The following TTC28 variants were observed in gnomAD, a reference collection of about 807,000 sequenced individuals.
TTC28 encodes tetratricopeptide repeat protein 28.
In TTC28, 61 loss-of-function variants were observed where a neutral mutation model predicts 198.0. The ratio of observed to expected loss-of-function variants is 0.31; its 90% CI spans 0.25 to 0.38. TTC28 has a LOEUF of 0.38. Ranked by LOEUF, TTC28 falls within the 10% of genes least tolerant of loss-of-function variation. TTC28 has a pLI of 1.00. For synonymous variants in TTC28, 1,171 were observed against 1,297.8 expected, an observed-to-expected ratio of 0.90 and a Z score of 2.10; for missense variants, 2,678 against 3,164.0, an observed-to-expected ratio of 0.85 and a Z score of 3.69.
intron 8 of TTC28, among the ~76,000 whole-genome samples, chr22:28,103,140 G>C (rs1292541117): frequency 6.6e-6 from 1 of 152,190 alleles, no homozygotes; most frequent in African/African-American, 2.4e-5. Context: ...AAAGCCCCCT[G>C]GATAGACATG....
At chr22:28,260,145 A>G (rs1194201661) in intron 5 of TTC28, among the ~76,000 whole-genome samples, 1 of 152,204 alleles carries the variant, frequency 6.6e-6, no homozygotes, top group African/African-American at 2.4e-5. Context: ...GTTCAGGGCA[A>G]TCACATGTCC....
intron 2 of TTC28, among the ~76,000 whole-genome samples, chr22:28,317,295 C>G (rs764417909): frequency 2.0e-5 from 3 of 152,014 alleles, no homozygotes; most frequent in Non-Finnish European, 2.9e-5. Context: ...TTGAGATTTC[C>G]TTGGTCTTTC....
chr22:28,613,606 C>G (rs1157749036), intron 2 of TTC28, among the ~76,000 whole-genome samples: 1 of 152,188 alleles, frequency 6.6e-6, no homozygotes, highest in East Asian at 1.9e-4. Context: ...CCACCATGAT[C>G]AAGTGGGCTT....
At chr22:28,287,653 T>C (rs995297741) in intron 5 of TTC28, among the ~76,000 whole-genome samples, 1 of 152,060 alleles carries the variant, frequency 6.6e-6, no homozygotes, top group Non-Finnish European at 1.5e-5. Flanking sequence ...GATTAAAAGG[T>C]GTACAATATA....
In TTC28 at chr22:27,993,438, C is replaced by T; in HGVS notation, c.5325G>A (p.Val1775=). Reference sequence around the variant, plus strand: ...GGGCCTGCCAGCCAGGGATGCCGCCCACTTTGTTCTCCACACTCTGCTGGG... The same window carrying T: ...GGGCCTGCCAGCCAGGGATGCCGCCTACTTTGTTCTCCACACTCTGCTGGG... ...YTSQQSVENK[V]GGIPGWQALL... The change falls in exon 18 of 23, where the codon GTG becomes GTA. Residue 1775 remains valine (V), a synonymous_variant. Transcript: ENST00000397906. 6.4e-7 allele frequency: 1 copy of T among 1,551,618 alleles called. No individual in the cohort carries two copies. The highest frequency in any genetic ancestry group is 8.7e-7 in the Non-Finnish European group (1 of 1,146,994).
chr22:28,618,646 C>A (rs1393879828), intron 2 of TTC28, among the ~76,000 whole-genome samples: 1 of 137,122 alleles, frequency 7.3e-6, no homozygotes, highest in Non-Finnish European at 1.5e-5. Flanking sequence ...CGTGCCACTG[C>A]ATTCCAGCCT....
intron 2 of TTC28, among the ~76,000 whole-genome samples, chr22:28,406,599 T>C (rs1387175144): frequency 6.6e-6 from 1 of 152,212 alleles, no homozygotes; most frequent in Non-Finnish European, 1.5e-5. Flanking sequence ...TCTGTTACAT[T>C]AAAAGTTTGA....
intron 2 of TTC28, among the ~76,000 whole-genome samples, chr22:28,437,090 A>AT (rs695341): frequency 0.011 from 1,713 of 150,004 alleles, 34 homozygotes; most frequent in East Asian, 0.085. Flanking sequence ...TATTCTTTTA[A>AT]TTTTTTTTTT....
At chr22:28,360,833 C>T (rs917725466) in intron 2 of TTC28, among the ~76,000 whole-genome samples, 1 of 152,180 alleles carries the variant, frequency 6.6e-6, no homozygotes, top group Non-Finnish European at 1.5e-5. Flanking sequence ...ACAGTGCTCA[C>T]CTAGTGTCTC....
chr22:28,030,135 C>A, intron 13 of TTC28, 91 bp downstream of exon 13: 1 of 1,487,250 alleles, frequency 6.7e-7, no homozygotes, highest in Non-Finnish European at 9.0e-7. Context: ...AGAAGCCTAA[C>A]CAGCTGGAAG....
intron 2 of TTC28, among the ~76,000 whole-genome samples, chr22:28,541,569 T>C (rs148223182): frequency 6.6e-6 from 1 of 152,322 alleles, no homozygotes; most frequent in East Asian, 1.9e-4. Flanking sequence ...ATTTAAATTT[T>C]TTATTCCAAA....
intron 2 of TTC28, among the ~76,000 whole-genome samples, chr22:28,463,347 C>T (rs2047974952): frequency 6.6e-6 from 1 of 152,126 alleles, no homozygotes; most frequent in African/African-American, 2.4e-5. Flanking sequence ...CTGTGGAAGA[C>T]AGTGTGGCGA....
At chr22:28,392,997 C>T (rs2046757878) in intron 2 of TTC28, among the ~76,000 whole-genome samples, 1 of 151,106 alleles carries the variant, frequency 6.6e-6, no homozygotes, top group Non-Finnish European at 1.5e-5. Context: ...CCACCTCAGC[C>T]TTCTGAGTAG....
intron 2 of TTC28, among the ~76,000 whole-genome samples, chr22:28,448,314 T>C (rs530740763): frequency 7.2e-5 from 11 of 152,138 alleles, no homozygotes; most frequent in African/African-American, 2.6e-4. Flanking sequence ...AAAGAGAAAA[T>C]GAAGAAAACA....
At chr22:28,489,616 T>C (rs1054723371) in intron 2 of TTC28, among the ~76,000 whole-genome samples, 1 of 152,144 alleles carries the variant, frequency 6.6e-6, no homozygotes, top group Non-Finnish European at 1.5e-5. Flanking sequence ...ATTCACTCTA[T>C]ATTAGTCAAG....
intron 12 of TTC28, among the ~76,000 whole-genome samples, chr22:28,042,582 G>A (rs899801168): frequency 2.0e-5 from 3 of 152,098 alleles, no homozygotes; most frequent in African/African-American, 7.2e-5. Context: ...GGCTTGTCAG[G>A]GGGTGGGGGA....
chr22:28,431,793 C>A (rs1049902428), intron 2 of TTC28, among the ~76,000 whole-genome samples: 15 of 151,960 alleles, frequency 9.9e-5, no homozygotes, highest in Non-Finnish European at 1.9e-4. Flanking sequence ...GCCTGGCTAA[C>A]ATGGTGAGAC....
At chr22:28,339,510 A>C (rs1402572336) in intron 2 of TTC28, among the ~76,000 whole-genome samples, 2 of 152,206 alleles carry the variant, frequency 1.3e-5, no homozygotes, top group African/African-American at 2.4e-5. Context: ...AGAGGCAGGC[A>C]GGCCTCCTTG....
chr22:28,636,070 G>T (rs2146221981), intron 1 of TTC28, among the ~76,000 whole-genome samples: 1 of 148,706 alleles, frequency 6.7e-6, no homozygotes, highest in South Asian at 2.1e-4. Flanking sequence ...TCTGTGTCTG[G>T]CTCATTTCCT....
Sources: allele counts gnomAD v4.1 joint callset (sites outside exome capture counted in the v4.1 genomes callset), GRCh38; gene constraint gnomAD v4.1.1; transcripts MANE v1.5; gene names NCBI Gene and HGNC (gene_info 2026-07-23, HGNC 2026-07-21).